ZNF385D: variants seen among roughly 807,000 people sequenced by gnomAD.
ZNF385D encodes the protein zinc finger protein 385D, also known as zinc finger protein 659.
ZNF385D carries 15 observed loss-of-function variants against 35.8 expected under a neutral mutation model. The ratio of observed to expected loss-of-function variants is 0.42; its 90% CI spans 0.28 to 0.64. The LOEUF (loss-of-function observed/expected upper bound fraction) is 0.64. ZNF385D is among the 30% of genes least tolerant of loss of function. The pLI, the probability that ZNF385D is intolerant of heterozygous loss-of-function variation, is 0.23. For missense variants in ZNF385D, 474 were observed against 494.6 expected (o/e 0.96, Z 0.39); for synonymous variants, 212 against 186.8 (o/e 1.13, Z -1.10).
intron 3 of ZNF385D, among the ~76,000 whole-genome samples, chr3:21,519,261 T>C (rs1262997465): frequency 6.6e-6 from 1 of 152,182 alleles, no homozygotes; most frequent in Non-Finnish European, 1.5e-5. Flanking sequence ...ATACATTTGG[T>C]AACTAATTTT....
chr3:21,761,290 C>T (rs2070597031), intron 3 of ZNF385D, among the ~76,000 whole-genome samples: 1 of 152,224 alleles, frequency 6.6e-6, no homozygotes. Flanking sequence ...TCCCAACCTA[C>T]AACAACTGTG....
chr3:21,965,841 G>A (rs1702882192), intron 3 of ZNF385D, among the ~76,000 whole-genome samples: 1 of 152,130 alleles, frequency 6.6e-6, no homozygotes, highest in African/African-American at 2.4e-5. Flanking sequence ...CAAAAATATG[G>A]AAGAAAGAAG....
At chr3:22,180,167 A>T (rs1695136514) in intron 2 of ZNF385D, among the ~76,000 whole-genome samples, 2 of 152,240 alleles carry the variant, frequency 1.3e-5, no homozygotes, top group Admixed American at 1.3e-4. Context: ...ACCTCTATGC[A>T]AGTAAACTAG....
At chr3:21,867,836 T>A (rs912370437) in intron 3 of ZNF385D, among the ~76,000 whole-genome samples, 2 of 152,148 alleles carry the variant, frequency 1.3e-5, no homozygotes, top group Admixed American at 6.5e-5. Flanking sequence ...ATAGAAATGT[T>A]CTCTATCTAG....
intron 4 of ZNF385D, among the ~76,000 whole-genome samples, chr3:21,448,961 A>T (rs953049591): frequency 1.3e-5 from 2 of 152,148 alleles, no homozygotes; most frequent in Admixed American, 6.6e-5. Flanking sequence ...TAATTTAAAC[A>T]TTTAAAAAAG....
chr3:22,177,547 A>G (rs1333765594), intron 2 of ZNF385D, among the ~76,000 whole-genome samples: 3 of 152,166 alleles, frequency 2.0e-5, no homozygotes, highest in African/African-American at 7.2e-5. Flanking sequence ...GTGAAGTTTG[A>G]GAAGAGAGAG....
intron 3 of ZNF385D, among the ~76,000 whole-genome samples, chr3:21,771,138 T>C (rs922885982): frequency 2.6e-5 from 4 of 151,252 alleles, no homozygotes; most frequent in Non-Finnish European, 5.9e-5. Context: ...ATACCTAATG[T>C]AAATGACGAG....
chr3:22,120,941 G>C (rs954145833), intron 3 of ZNF385D, among the ~76,000 whole-genome samples: 1 of 152,044 alleles, frequency 6.6e-6, no homozygotes, highest in Non-Finnish European at 1.5e-5. Flanking sequence ...AAACCAAAAT[G>C]AATCACCAAG....
At chr3:21,633,333 T>G (rs950375607) in intron 2 of ZNF385D, among the ~76,000 whole-genome samples, 1 of 152,046 alleles carries the variant, frequency 6.6e-6, no homozygotes, top group African/African-American at 2.4e-5. Flanking sequence ...GATGAAACTT[T>G]AAATTGGAGT....
At chr3:21,461,123 T>A (rs1703144991) in intron 4 of ZNF385D, among the ~76,000 whole-genome samples, 1 of 152,194 alleles carries the variant, frequency 6.6e-6, no homozygotes, top group Admixed American at 6.5e-5. Flanking sequence ...ATATGATATT[T>A]TAGGGAATTG....
chr3:21,484,483 T>G (rs1257228372), intron 4 of ZNF385D, among the ~76,000 whole-genome samples: 1 of 152,134 alleles, frequency 6.6e-6, no homozygotes, highest in African/African-American at 2.4e-5. Flanking sequence ...GACCTCTTCC[T>G]CCTGCGATGT....
chr3:21,790,810 A>G (rs1375932386), intron 3 of ZNF385D, among the ~76,000 whole-genome samples: 2 of 152,204 alleles, frequency 1.3e-5, no homozygotes, highest in Non-Finnish European at 2.9e-5. Flanking sequence ...GAGTTTCCTT[A>G]TTATTGAAGT....
intron 3 of ZNF385D, among the ~76,000 whole-genome samples, chr3:21,557,042 T>A (rs1559401655): frequency 6.6e-6 from 1 of 152,182 alleles, no homozygotes; most frequent in Non-Finnish European, 1.5e-5. Flanking sequence ...TTGCTGAAGT[T>A]TTTATCAGTG....
chr3:21,920,665 T>C (rs149836172), intron 3 of ZNF385D, among the ~76,000 whole-genome samples: 1 of 150,206 alleles, frequency 6.7e-6, no homozygotes, highest in African/African-American at 2.4e-5. Flanking sequence ...TTTTCCTTCA[T>C]GCTCTAGGAT....
At chr3:21,786,739 T>C (rs2071703517) in intron 3 of ZNF385D, among the ~76,000 whole-genome samples, 1 of 152,212 alleles carries the variant, frequency 6.6e-6, no homozygotes, top group Non-Finnish European at 1.5e-5. Flanking sequence ...TTTTTTAGCA[T>C]TATGCTTTTG....
At chr3:21,727,661 A>C in intron 1 of ZNF385D, among the ~76,000 whole-genome samples, 1 of 152,218 alleles carries the variant, frequency 6.6e-6, no homozygotes, top group East Asian at 1.9e-4. Flanking sequence ...AAAAGTCAGG[A>C]AACAACAGAT....
chr3:21,531,252 A>G (rs1000863682), intron 3 of ZNF385D, among the ~76,000 whole-genome samples: 1 of 152,188 alleles, frequency 6.6e-6, no homozygotes, highest in African/African-American at 2.4e-5. Context: ...AACACTGGCA[A>G]CATGAAATGC....
chr3:22,048,817 T>A (rs1400427009), intron 3 of ZNF385D, among the ~76,000 whole-genome samples: 1 of 152,198 alleles, frequency 6.6e-6, no homozygotes, highest in Non-Finnish European at 1.5e-5. Context: ...TTGCATGGAA[T>A]TAGTAGATCA....
At chr3:22,213,376 T>C (rs943420516) in intron 2 of ZNF385D, among the ~76,000 whole-genome samples, 1 of 152,086 alleles carries the variant, frequency 6.6e-6, no homozygotes, top group African/African-American at 2.4e-5. Context: ...TGGACCAGAT[T>C]TGACCATTGG....
Sources: gnomAD v4.1 joint callset for allele counts (sites outside exome capture counted in the v4.1 genomes callset) on GRCh38, gnomAD v4.1.1 for gene constraint, MANE v1.5 for transcripts, NCBI Gene and HGNC (gene_info 2026-07-23, HGNC 2026-07-21) for gene names.